The following ANKH variants were observed in gnomAD, a reference collection of about 807,000 sequenced individuals.
ANKH encodes the protein mineralization regulator ANKH.
A neutral mutation model predicts 49.0 loss-of-function variants in ANKH; 15 were observed. The observed-to-expected ratio is 0.31, with a 90% confidence interval of 0.20 to 0.47. The LOEUF is 0.47. ANKH is among the 20% of genes least tolerant of loss of function. The probability of loss-of-function intolerance (pLI) is 1.00; values close to 1 mark genes in which losing one functional copy is unlikely to be tolerated. For synonymous variants in ANKH, 273 were observed against 260.0 expected, an observed-to-expected ratio of 1.05 and a Z score of -0.48; for missense variants, 429 against 652.0, an observed-to-expected ratio of 0.66 and a Z score of 3.72.
chr5:14,789,000 G>A (rs575818401), intron 1 of ANKH, among the ~76,000 whole-genome samples: 1,592 of 152,226 alleles, frequency 0.01, 11 homozygotes, highest in Non-Finnish European at 0.016. Flanking sequence ...AGGCCGAGGC[G>A]GGTGGATCAC....
At chr5:14,823,183 GAACTTCAGTGTTTACTTGT>G (rs1325585895) in intron 1 of ANKH, among the ~76,000 whole-genome samples, 9 of 152,164 alleles carry the variant, frequency 5.9e-5, no homozygotes, top group African/African-American at 2.2e-4. Flanking sequence ...GGAAAAGTGT[GAACTTCAGTGTTTACTTGT>G]AACAGTTCCA....
chr5:14,745,815 A>G lies in ANKH; in HGVS notation c.915+55T>C. On this transcript the variant is annotated intron_variant, in intron 7 of 11. Transcript: ENST00000284268. This position sits in a 1 kb window ranked among gnomAD's most constrained non-coding sequence, Gnocchi z 4.7. ...TGTCCCTCATCAGAGAGCCCTGTCTATCAAGAAGTCATTTCAAAAGCATGT... is the reference window on the plus strand; with the variant it reads ...TGTCCCTCATCAGAGAGCCCTGTCTGTCAAGAAGTCATTTCAAAAGCATGT... The G allele has an allele frequency of 6.6e-7, 1 of 1,507,324 alleles. No homozygotes were observed. The highest frequency in any genetic ancestry group is 9.2e-7 in the Non-Finnish European group (1 of 1,083,144). The allele number at this position is 1,507,324 out of a possible 1,614,324, so 93.4% of individuals were successfully genotyped here. A position where few individuals can be genotyped will look rare whatever the true frequency, so the allele number is the denominator to read the frequency against.
chr5:14,804,653 C>T (rs951591265), intron 1 of ANKH, among the ~76,000 whole-genome samples: 2 of 152,190 alleles, frequency 1.3e-5, no homozygotes, highest in South Asian at 2.1e-4. Flanking sequence ...TGTTGTGAAA[C>T]CCCTGCTGAC....
At chr5:14,754,274 T>C (rs922308725) in intron 4 of ANKH, among the ~76,000 whole-genome samples, 2 of 152,026 alleles carry the variant, frequency 1.3e-5, no homozygotes, top group Non-Finnish European at 2.9e-5. Flanking sequence ...TTTTCAGAGA[T>C]AGGCTTTTCT....
intron 1 of ANKH, among the ~76,000 whole-genome samples, chr5:14,862,164 A>G (rs1473191198): frequency 6.6e-6 from 1 of 152,202 alleles, no homozygotes; most frequent in Non-Finnish European, 1.5e-5. Flanking sequence ...TGAACCCAGG[A>G]GGTGGACGTT....
Position 14,709,301 on chromosome 5 carries a change from A to AC in ANKH, c.*1895dup, listed in dbSNP as rs1737067785. 4.3e-5 allele frequency: 3 copies of AC among 70,070 alleles called. No homozygotes were observed. The highest frequency in any genetic ancestry group is 1.0e-4 in the African/African-American group (3 of 29,748). 4.3% of individuals were successfully genotyped at this position (70,070 alleles called of 1,614,324 possible). ...GTAATGTCCTTTAAAAAAAGCTGATACATTGAGATTTTTTTTTAATCTTCT... is the reference window on the plus strand; with the variant it reads ...GTAATGTCCTTTAAAAAAAGCTGATACCATTGAGATTTTTTTTTAATCTTCT... On this transcript the variant is annotated 3_prime_UTR_variant, in exon 12 of 12. Coordinates refer to ENST00000284268, the MANE Select transcript of ANKH (RefSeq NM_054027.6).
At position 14,871,413 on chromosome 5, in the gene ANKH, G is replaced by C. The variant is rs1735819500; in HGVS notation, c.35C>G (p.Pro12Arg). 1 of 1,613,418 alleles carries C rather than the reference G, an allele frequency of 6.2e-7. No individual in the cohort carries two copies. Among genetic ancestry groups the C allele is most frequent in the Non-Finnish European group, 8.5e-7 (1 of 1,179,758 alleles). ...VKFPALTHYW[P>R]LIRFLVPLGI... ...CAGGGGCACCAAGAACCGGATCAGG[G>C]GCCAGTAGTGCGTGAGCGCCGGGAA... The change falls in exon 1 of 12, where the codon CCC becomes CGC. Residue 12 changes from proline to arginine, a missense_variant. By Grantham distance (103) the Pro-to-Arg change is moderately radical. Coordinates refer to ENST00000284268, the MANE Select transcript of ANKH (RefSeq NM_054027.6).
intron 1 of ANKH, among the ~76,000 whole-genome samples, chr5:14,776,554 G>T (rs1739629390): frequency 6.6e-6 from 1 of 152,210 alleles, no homozygotes; most frequent in Admixed American, 6.5e-5. Context: ...TGCCAGCGTT[G>T]TGACAGTGCT....
chr5:14,751,274 G>A (rs770141146), intron 4 of ANKH, 35 bp from the exon 5 acceptor site: 20 of 1,609,374 alleles, frequency 1.2e-5, no homozygotes, highest in Non-Finnish European at 1.6e-5. Flanking sequence ...GGTCAGAGGG[G>A]AGAAGCGGGA....
At position 14,708,185 on chromosome 5, in the gene ANKH, C is replaced by CTA. The variant is rs1470043102; in HGVS notation, c.*3010_*3011dup. 1 of 152,240 alleles carries CTA rather than the reference C, an allele frequency of 6.6e-6. No homozygotes were observed. Among genetic ancestry groups the CTA allele is most frequent in the African/African-American group, 2.4e-5 (1 of 41,456 alleles). 9.4% of individuals were successfully genotyped at this position (152,240 alleles called of 1,614,324 possible). Reference sequence around the variant, plus strand: ...CACATTTAGGATGACGTCCCTTGTGCTACTCAAACAGGCCACCAAAGGAGG... The same window carrying CTA: ...CACATTTAGGATGACGTCCCTTGTGCTATACTCAAACAGGCCACCAAAGGAGG... On this transcript the variant is annotated 3_prime_UTR_variant, in exon 12 of 12. Transcript: ENST00000284268.
chr5:14,726,143 C>T (rs1252191251), intron 8 of ANKH, among the ~76,000 whole-genome samples: 3 of 152,104 alleles, frequency 2.0e-5, no homozygotes, highest in Non-Finnish European at 4.4e-5. Flanking sequence ...ATGAGGAAGG[C>T]ACACTGATTT....
At chr5:14,810,160 C>CTTTT (rs35622899) in intron 1 of ANKH, among the ~76,000 whole-genome samples, 1 of 144,450 alleles carries the variant, frequency 6.9e-6, no homozygotes, top group Non-Finnish European at 1.5e-5. Flanking sequence ...AAACGATTGA[C>CTTTT]TTTTTTTTTT....
At chr5:14,749,106 C>T in intron 6 of ANKH, 66 bp downstream of exon 6, 1 of 1,606,380 alleles carries the variant, frequency 6.2e-7, no homozygotes, top group Non-Finnish European at 8.5e-7. Flanking sequence ...AACTGGAAAT[C>T]AGTTTCAGCA....
At chr5:14,818,461 G>T (rs2126583054) in intron 1 of ANKH, among the ~76,000 whole-genome samples, 1 of 151,978 alleles carries the variant, frequency 6.6e-6, no homozygotes, top group South Asian at 2.1e-4. Flanking sequence ...GGCCAACATG[G>T]TGAACCCCTA....
rs748751320 is a variant in ANKH, at chr5:14,871,409, C to T, written c.39G>A (p.Leu13=). The change falls in exon 1 of 12, where the codon CTG becomes CTA. Residue 13 remains leucine (L), a synonymous_variant. Transcript: ENST00000284268. The stretch of plus-strand genomic sequence containing the variant: ...TGCCCAGGGGCACCAAGAACCGGAT[C>T]AGGGGCCAGTAGTGCGTGAGCGCCG... ...KFPALTHYWP[L]IRFLVPLGIT... 1 of 1,613,418 alleles carries T rather than the reference C, an allele frequency of 6.2e-7. No individual in the cohort carries two copies. The highest frequency in any genetic ancestry group is 1.3e-5 in the African/African-American group (1 of 74,900).
intron 1 of ANKH, among the ~76,000 whole-genome samples, chr5:14,813,124 C>T (rs1325216731): frequency 2.6e-5 from 4 of 151,978 alleles, no homozygotes; most frequent in African/African-American, 4.8e-5. Flanking sequence ...ACCTGTAGTC[C>T]TAGCTACTCA....
chr5:14,790,694 G>A (rs751431744), intron 1 of ANKH, among the ~76,000 whole-genome samples: 32 of 152,282 alleles, frequency 2.1e-4, no homozygotes, highest in Admixed American at 3.3e-4. Flanking sequence ...TGCAACCTTC[G>A]CTTCCGGGGT....
chr5:14,728,126 G>A (rs1305180790), intron 8 of ANKH, among the ~76,000 whole-genome samples: 1 of 152,246 alleles, frequency 6.6e-6, no homozygotes, highest in Non-Finnish European at 1.5e-5. Context: ...AGAGAAGTGC[G>A]GAGGGAAGGC....
At chr5:14,768,523 A>C (rs1739322878) in intron 2 of ANKH, 1 of 212,138 alleles carries the variant, frequency 4.7e-6, no homozygotes, top group Admixed American at 5.3e-5. Flanking sequence ...CTTGTCTTTG[A>C]ATAAAATAGA....
Sources: gnomAD v4.1 joint callset for allele counts (sites outside exome capture counted in the v4.1 genomes callset) on GRCh38, gnomAD v4.1.1 for gene constraint, Gnocchi (gnomAD v3.1) non-coding constraint, MANE v1.5 for transcripts, NCBI Gene and HGNC (gene_info 2026-07-23, HGNC 2026-07-21) for gene names.